PCDHA5: variants seen among roughly 807,000 people sequenced by gnomAD.
PCDHA5 encodes protocadherin alpha-5.
Under a neutral mutation model 61.6 loss-of-function variants are expected in PCDHA5, and 43 were observed. The ratio of observed to expected loss-of-function variants is 0.70; its 90% CI spans 0.55 to 0.90. The LOEUF is 0.90. PCDHA5 is among the 40% of genes least tolerant of loss of function. The pLI, the probability that PCDHA5 is intolerant of heterozygous loss-of-function variation, is 0.00. For synonymous variants in PCDHA5, 627 were observed against 543.9 expected (o/e 1.15, Z -2.13); for missense variants, 1,298 against 1,222.7 (o/e 1.06, Z -0.92).
intron 1 of PCDHA5, chr5:140,861,087 C>T (rs1554154139): frequency 6.6e-6 from 1 of 152,266 alleles, no homozygotes; most frequent in African/African-American, 2.4e-5. Flanking sequence ...AAAGAAGCTC[C>T]ATTGTTCCTG....
At chr5:140,982,683 T>C in intron 3 of PCDHA5, 120 bp downstream of exon 3, 2 of 1,424,800 alleles carry the variant, frequency 1.4e-6, no homozygotes, top group Non-Finnish European at 1.8e-6. Context: ...TATTCCCTTT[T>C]TTCCATACAT....
chr5:140,924,597 G>A lies in PCDHA5; in HGVS notation c.2353-54352G>A, dbSNP rs1278228526. ...ATGTTTTCAAATATTATAGAAATATGCAGGCTGATGCCAGGTGCGGTGGCA... is the reference window on the plus strand; with the variant it reads ...ATGTTTTCAAATATTATAGAAATATACAGGCTGATGCCAGGTGCGGTGGCA... On this transcript the variant is annotated intron_variant, in intron 1 of 3. Coordinates refer to ENST00000529859, the MANE Select transcript of PCDHA5 (RefSeq NM_018908.3). Among the ~76,000 whole-genome samples the A allele has an allele frequency of 2.6e-5, 4 of 152,078 alleles. No homozygotes were observed. The East Asian group carries it at 7.7e-4, about 29-fold the overall frequency.
At chr5:140,863,489 C>A in intron 1 of PCDHA5, 1 of 450,994 alleles carries the variant, frequency 2.2e-6, no homozygotes, top group Non-Finnish European at 4.4e-6. Flanking sequence ...CCAAGGTCAA[C>A]ATTACGGCTT....
rs199624636 is a variant in PCDHA5, at chr5:141,009,721, C to T, written c.2595C>T (p.Ser865=). The change falls in exon 4 of 4, where the codon TCC becomes TCT. Residue 865 remains serine (S), a synonymous_variant. Coordinates refer to ENST00000529859, the MANE Select transcript of PCDHA5 (RefSeq NM_018908.3). ...FKYGPGNPKQ[S]GPGELPDKFI... ...ACGGACCAGGCAACCCCAAACAATCCGGTCCCGGTGAGTTGCCCGACAAAT... is the reference window on the plus strand; with the variant it reads ...ACGGACCAGGCAACCCCAAACAATCTGGTCCCGGTGAGTTGCCCGACAAAT... 1.3e-5 allele frequency: 21 copies of T among 1,614,012 alleles called. No individual in the cohort carries two copies. The highest frequency in any genetic ancestry group is 1.7e-5 in the Non-Finnish European group (20 of 1,180,038).
chr5:140,976,887 C>T (rs933700917), intron 1 of PCDHA5, among the ~76,000 whole-genome samples: 2 of 152,150 alleles, frequency 1.3e-5, no homozygotes, highest in Non-Finnish European at 2.9e-5. Flanking sequence ...AATTAGGATA[C>T]ATGCAACAGT....
chr5:140,826,672 G>A (rs1290845533), intron 1 of PCDHA5, among the ~76,000 whole-genome samples: 2 of 152,028 alleles, frequency 1.3e-5, no homozygotes, highest in South Asian at 2.1e-4. Context: ...AATTGTAGAC[G>A]TAATTAAAAA....
intron 1 of PCDHA5, chr5:140,825,341 T>TATATCTAATATATATTAGATATATAA (rs1768513170): frequency 6.9e-6 from 1 of 145,948 alleles, no homozygotes; most frequent in South Asian, 2.1e-4. Flanking sequence ...TATTTTTCAA[T>TATATCTAATATATATTAGATATATAA]ATATCTAATA....
At chr5:140,952,471 A>G (rs1324501616) in intron 1 of PCDHA5, among the ~76,000 whole-genome samples, 2 of 152,204 alleles carry the variant, frequency 1.3e-5, no homozygotes, top group African/African-American at 2.4e-5. Context: ...AAGCATAAGG[A>G]AAGTGACATT....
chr5:140,918,282 C>G (rs2078612020), intron 1 of PCDHA5, among the ~76,000 whole-genome samples: 1 of 152,016 alleles, frequency 6.6e-6, no homozygotes, highest in Non-Finnish European at 1.5e-5. Flanking sequence ...GATGTAGGAG[C>G]TTTTTGGCAG....
chr5:140,922,388 CT>C (rs1233800006), intron 1 of PCDHA5, among the ~76,000 whole-genome samples: 1 of 152,148 alleles, frequency 6.6e-6, no homozygotes, highest in Non-Finnish European at 1.5e-5. Flanking sequence ...CCAAAGACTC[CT>C]TGTTTTGGAT....
chr5:140,927,848 G>A (rs1295513512), intron 1 of PCDHA5: 3 of 1,614,062 alleles, frequency 1.9e-6, no homozygotes, highest in Non-Finnish European at 2.5e-6. Context: ...GGTGTCTTTG[G>A]TTTAGCTAGC....
chr5:140,838,003 A>T lies in PCDHA5; in HGVS notation c.2352+13876A>T, dbSNP rs2150281807. Among the ~76,000 whole-genome samples, 108 of 151,040 alleles carry T rather than the reference A, an allele frequency of 7.2e-4. 1 individual carries two copies. Among genetic ancestry groups the T allele is most frequent in the East Asian group, 2.3e-3 (12 of 5,140 alleles). On this transcript the variant is annotated intron_variant, in intron 1 of 3. Coordinates refer to ENST00000529859, the MANE Select transcript of PCDHA5 (RefSeq NM_018908.3). ...CTGCCTTTCATCTTTCCTTTTTTTTAAAAAAAGAAGTGATTACAGTAGAAA... is the reference window on the plus strand; with the variant it reads ...CTGCCTTTCATCTTTCCTTTTTTTTTAAAAAAGAAGTGATTACAGTAGAAA...
At chr5:140,954,214 T>C (rs1186171676) in intron 1 of PCDHA5, among the ~76,000 whole-genome samples, 1 of 152,254 alleles carries the variant, frequency 6.6e-6, no homozygotes, top group African/African-American at 2.4e-5. Flanking sequence ...TCCCATGTTT[T>C]TGCTATTGTG....
chr5:140,848,754 A>T, intron 1 of PCDHA5: 1 of 1,593,142 alleles, frequency 6.3e-7, no homozygotes, highest in Non-Finnish European at 8.6e-7. Context: ...TTTGTTTGTG[A>T]ATTCTCGGAT....
At chr5:140,929,317 A>G in intron 1 of PCDHA5, 1 of 1,549,080 alleles carries the variant, frequency 6.5e-7, no homozygotes, top group South Asian at 1.2e-5. Flanking sequence ...CGCTAATGTC[A>G]ATGCCATGGT....
At position 140,849,055 on chromosome 5, in the gene PCDHA5, A is replaced by G; in HGVS notation, c.2352+24928A>G. The G allele has an allele frequency of 5.8e-6, 9 of 1,555,688 alleles. No individual in the cohort carries two copies. The Middle Eastern group carries it at 8.5e-4, about 147-fold the overall frequency. ...TTCCTGGACGTGCCAACCAGCAACC[A>G]GCAGGTAAAACCTCTTGGACTTGTA... On this transcript the variant is annotated intron_variant, in intron 1 of 3. Coordinates refer to ENST00000529859, the MANE Select transcript of PCDHA5 (RefSeq NM_018908.3).
intron 1 of PCDHA5, among the ~76,000 whole-genome samples, chr5:140,922,015 A>G (rs1563050158): frequency 6.6e-6 from 1 of 152,098 alleles, no homozygotes; most frequent in Non-Finnish European, 1.5e-5. Context: ...AGTTTAAAAA[A>G]ATAAATATAA....
chr5:140,890,045 T>C (rs1192229071), intron 1 of PCDHA5, among the ~76,000 whole-genome samples: 1 of 152,206 alleles, frequency 6.6e-6, no homozygotes, highest in African/African-American at 2.4e-5. Context: ...TGTAGTGTGT[T>C]GGAGCTGGCT....
chr5:140,882,582 A>G (rs1554174663), intron 1 of PCDHA5: 1 of 1,614,114 alleles, frequency 6.2e-7, no homozygotes, highest in East Asian at 2.2e-5. Context: ...TGCAGCATCC[A>G]CCTGGAGGTG....
Sources: allele counts gnomAD v4.1 joint callset (sites outside exome capture counted in the v4.1 genomes callset), GRCh38; gene constraint gnomAD v4.1.1; transcripts MANE v1.5; gene names NCBI Gene and HGNC (gene_info 2026-07-23, HGNC 2026-07-21).